Variants in DPP6 observed in about 807,000 individuals in gnomAD.
The protein encoded by DPP6 is dipeptidyl peptidase like 6.
In DPP6, 69 loss-of-function variants were observed where a neutral mutation model predicts 122.6. That is an observed-to-expected ratio of 0.56 (90% confidence interval 0.46 to 0.69). The LOEUF is 0.69. DPP6 is among the 30% of genes least tolerant of loss of function. The pLI, the probability that DPP6 is intolerant of heterozygous loss-of-function variation, is 0.00. For missense variants in DPP6, 928 were observed against 1,116.9 expected, an observed-to-expected ratio of 0.83 and a Z score of 2.41; for synonymous variants, 418 against 433.1, an observed-to-expected ratio of 0.97 and a Z score of 0.43.
chr7:154,497,348 C>T (rs1454602403), intron 3 of DPP6, among the ~76,000 whole-genome samples: 1 of 152,166 alleles, frequency 6.6e-6, no homozygotes, highest in African/African-American at 2.4e-5. Flanking sequence ...TGGCTCATGC[C>T]TGTAATCTCA....
chr7:154,131,371 T>G (rs898695780), intron 1 of DPP6, among the ~76,000 whole-genome samples: 1 of 152,244 alleles, frequency 6.6e-6, no homozygotes, highest in Non-Finnish European at 1.5e-5. Flanking sequence ...AAAACTGAAC[T>G]GGATGATCTC....
At chr7:153,967,590 A>G (rs566400449) in intron 1 of DPP6, among the ~76,000 whole-genome samples, 11 of 152,280 alleles carry the variant, frequency 7.2e-5, no homozygotes, top group Middle Eastern at 3.4e-3. Flanking sequence ...CTCGTCGAAC[A>G]CAGGGCTGTT....
At chr7:153,888,312 C>T (rs1437403987) in intron 1 of DPP6, among the ~76,000 whole-genome samples, 1 of 152,214 alleles carries the variant, frequency 6.6e-6, no homozygotes, top group Non-Finnish European at 1.5e-5. Context: ...TTGACTGTGC[C>T]GGAGGAGGTC....
At position 154,052,687 on chromosome 7, in the gene DPP6, T is replaced by TTGCTGC. The variant is rs374262699; in HGVS notation, c.-118_-113dup. The TTGCTGC allele has an allele frequency of 4.8e-5, 56 of 1,168,508 alleles. No individual in the cohort carries two copies. In the African/African-American group the frequency reaches 8.7e-4, roughly 18 times the overall value. The allele number at this position is 1,168,508 out of a possible 1,614,324, so 72.4% of individuals were successfully genotyped here. A position where few individuals can be genotyped will look rare whatever the true frequency, so the allele number is the denominator to read the frequency against. On this transcript the variant is annotated 5_prime_UTR_variant, in exon 1 of 26. Transcript: ENST00000377770. This position sits in a 1 kb window ranked among gnomAD's most constrained non-coding sequence, Gnocchi z 4.8. ...AGCGGCCGCCGGCGCTGGGCTTGCC[T>TTGCTGC]TGCTGCTGCTGCTGCTGCTGCCTCC...
At chr7:154,230,209 G>T (rs189940286) in intron 1 of DPP6, among the ~76,000 whole-genome samples, 1 of 152,026 alleles carries the variant, frequency 6.6e-6, no homozygotes, top group African/African-American at 2.4e-5. Flanking sequence ...TATGCACGAA[G>T]CACATGGAAA....
At chr7:153,841,692 C>T in the DPP6 span, among the ~76,000 whole-genome samples, 1 of 152,096 alleles carries the variant, frequency 6.6e-6, no homozygotes, top group Non-Finnish European at 1.5e-5. Flanking sequence ...CAACTAGAGT[C>T]AGCTGGAAAA....
the DPP6 span, among the ~76,000 whole-genome samples, chr7:153,776,470 G>T: frequency 6.6e-6 from 1 of 152,086 alleles, no homozygotes; most frequent in Admixed American, 6.5e-5. Flanking sequence ...CACCGTGATT[G>T]TAAGTTTCCT....
intron 1 of DPP6, among the ~76,000 whole-genome samples, chr7:154,260,742 AAT>A (rs983919548): frequency 2.8e-4 from 41 of 147,808 alleles, no homozygotes; most frequent in Admixed American, 6.8e-4. Flanking sequence ...ATATATGTAT[AAT>A]ATATATATTA....
Position 154,624,128 on chromosome 7 carries a change from G to A in DPP6, c.628-13693G>A, listed in dbSNP as rs1834913462. On this transcript the variant is annotated intron_variant, in intron 5 of 25. Coordinates refer to ENST00000377770, the MANE Select transcript of DPP6 (RefSeq NM_130797.4). The surrounding 1 kb of genome is among the most constrained non-coding windows in gnomAD (Gnocchi z 4.7). ...GTGGATCATGAGATCAGGAGTTCAA[G>A]ACCAGCCTGGCCAAAATGGTGAAAC... Among the ~76,000 whole-genome samples the A allele has an allele frequency of 6.6e-6, 1 of 152,158 alleles. No individual in the cohort carries two copies. The highest frequency in any genetic ancestry group is 2.4e-5 in the African/African-American group (1 of 41,438).
At chr7:154,245,356 C>T (rs1005183340) in intron 1 of DPP6, among the ~76,000 whole-genome samples, 18 of 151,238 alleles carry the variant, frequency 1.2e-4, no homozygotes, top group African/African-American at 3.6e-4. Context: ...TATGGCTGGC[C>T]AGGCATGGTG....
chr7:154,232,789 G>A (rs1190488877), intron 1 of DPP6, among the ~76,000 whole-genome samples: 1 of 152,170 alleles, frequency 6.6e-6, no homozygotes, highest in Non-Finnish European at 1.5e-5. Context: ...GTATCTTGAT[G>A]CTGCCAAGCA....
At chr7:154,836,285 G>A (rs1429801100) in intron 16 of DPP6, among the ~76,000 whole-genome samples, 2 of 152,224 alleles carry the variant, frequency 1.3e-5, no homozygotes, top group East Asian at 1.9e-4. Flanking sequence ...TTTGGTCGAC[G>A]TGTTTTCTTC....
chr7:154,580,067 G>A (rs1831950247), intron 5 of DPP6, among the ~76,000 whole-genome samples: 4 of 152,154 alleles, frequency 2.6e-5, no homozygotes, highest in Admixed American at 2.6e-4. Context: ...CCGCGCGTCG[G>A]AGGGGATAGG....
At chr7:154,238,792 A>G (rs1801384461) in intron 1 of DPP6, among the ~76,000 whole-genome samples, 1 of 152,250 alleles carries the variant, frequency 6.6e-6, no homozygotes, top group South Asian at 2.1e-4. Flanking sequence ...TGAGATACAC[A>G]GGACAAATAC....
intron 1 of DPP6, among the ~76,000 whole-genome samples, chr7:154,180,977 C>G (rs1798054782): frequency 6.6e-6 from 1 of 152,168 alleles, no homozygotes; most frequent in Admixed American, 6.5e-5. Flanking sequence ...AGAGGAAATA[C>G]TAGAAACCCT....
chr7:154,377,754 T>C (rs1249095526), intron 1 of DPP6, among the ~76,000 whole-genome samples: 1 of 152,214 alleles, frequency 6.6e-6, no homozygotes, highest in Non-Finnish European at 1.5e-5. Context: ...ATAAAATCTC[T>C]TCTCTTTTTA....
At chr7:154,779,105 ACCC>A (rs145652128) in intron 10 of DPP6, among the ~76,000 whole-genome samples, 103 of 11,298 alleles carry the variant, frequency 9.1e-3, no homozygotes, top group Middle Eastern at 0.053. Context: ...CACCACCACC[ACCC>A]CCACCATCAC....
chr7:154,007,761 T>C (rs1797974087), intron 1 of DPP6, among the ~76,000 whole-genome samples: 1 of 152,128 alleles, frequency 6.6e-6, no homozygotes, highest in Non-Finnish European at 1.5e-5. Context: ...GCTGCAGGAA[T>C]TGGTGTCCAC....
chr7:154,122,644 G>C (rs542773671), intron 1 of DPP6, among the ~76,000 whole-genome samples: 174 of 152,196 alleles, frequency 1.1e-3, no homozygotes, highest in African/African-American at 4.1e-3. Flanking sequence ...TTGAAGCACA[G>C]ATTATAATGT....
Sources: allele counts gnomAD v4.1 joint callset (sites outside exome capture counted in the v4.1 genomes callset), GRCh38; gene constraint gnomAD v4.1.1; non-coding constraint Gnocchi (gnomAD v3.1); transcripts MANE v1.5; gene names NCBI Gene and HGNC (gene_info 2026-07-23, HGNC 2026-07-21).